The following CCDC112 variants were observed in gnomAD, a reference collection of about 807,000 sequenced individuals.
The protein encoded by CCDC112 is coiled-coil domain-containing protein 112.
In CCDC112, 40 loss-of-function variants were observed where a neutral mutation model predicts 66.3. That is an observed-to-expected ratio of 0.60 (90% confidence interval 0.47 to 0.79). CCDC112 has a LOEUF of 0.79. CCDC112 is among the 30% of genes least tolerant of loss of function. The pLI, the probability that CCDC112 is intolerant of heterozygous loss-of-function variation, is 0.00. For missense variants in CCDC112, 659 were observed against 603.8 expected, an observed-to-expected ratio of 1.09 and a Z score of -0.96; for synonymous variants, 214 against 197.2, an observed-to-expected ratio of 1.09 and a Z score of -0.71.
At position 115,267,652 on chromosome 5, in the gene CCDC112, T is replaced by C. The variant is rs1027676675; in HGVS notation, c.*224A>G. ...TCTAACATTAACTTATTTAAATAAC[T>C]TTTACATCAATAATAGGCCAACACA... On this transcript the variant is annotated 3_prime_UTR_variant, in exon 10 of 10. Coordinates refer to ENST00000379611, the MANE Select transcript of CCDC112 (RefSeq NM_001040440.3). The C allele has an allele frequency of 1.3e-5, 6 of 466,438 alleles. No homozygotes were observed. Among genetic ancestry groups the C allele is most frequent in the Non-Finnish European group, 2.3e-5 (6 of 263,740 alleles). 28.9% of individuals were successfully genotyped at this position (466,438 alleles called of 1,614,324 possible).
Position 115,269,728 on chromosome 5 carries a change from C to T in CCDC112, c.1403G>A (p.Arg468Lys). 1 of 1,599,548 alleles carries T rather than the reference C, an allele frequency of 6.3e-7. No homozygotes were observed. Among genetic ancestry groups the T allele is most frequent in the Middle Eastern group, 1.7e-4 (1 of 6,000 alleles). The change falls in exon 8 of 10, where the codon AGA becomes AAA. Residue 468 changes from arginine (R) to lysine (K), a missense_variant. Coordinates refer to ENST00000379611, the MANE Select transcript of CCDC112 (RefSeq NM_001040440.3). ...AKEDEKSQKQ[R>K]RLAKLKEKVE... The stretch of plus-strand genomic sequence containing the variant: ...CTTTTCTTTTAATTTTGCCAGTCTT[C>T]TTTGTTTTTGTGACTTTTCATCTTC...
In CCDC112 at chr5:115,274,732, TACTTA is replaced by T. The variant is rs796858578; in HGVS notation, c.918+479_918+483del. On this transcript the variant is annotated intron_variant, in intron 6 of 9. Transcript: ENST00000379611. ...TGTTGTTCTATTAATTGGGTAAAAT[TACTTA>T]ACTTCCTTTTTTTATTTTTATTTTT... is the stretch of plus-strand genomic sequence containing the variant. 5.1e-3 allele frequency among the ~76,000 whole-genome samples: 776 copies of T among 152,260 alleles called. 5 individuals are homozygous for T. Among genetic ancestry groups the T allele is most frequent in the African/African-American group, 0.018 (737 of 41,544 alleles).
At chr5:115,275,064 C>A (rs1749145977) in intron 6 of CCDC112, 152 bp downstream of exon 6, 3 of 639,342 alleles carry the variant, frequency 4.7e-6, no homozygotes, top group Non-Finnish European at 5.2e-6. Context: ...ACTTTCAATG[C>A]CTCAGTTTCA....
At chr5:115,280,779 C>G (rs556831621) in intron 2 of CCDC112, among the ~76,000 whole-genome samples, 2 of 152,008 alleles carry the variant, frequency 1.3e-5, no homozygotes, top group Admixed American at 1.3e-4. Context: ...GTCTTGAACT[C>G]CTGAGCTCAA....
rs547297925 is a variant in CCDC112 at position 115,281,743 on chromosome 5, G to A, written c.240-1975C>T. On this transcript the variant is annotated intron_variant, in intron 2 of 9. Coordinates refer to ENST00000379611, the MANE Select transcript of CCDC112 (RefSeq NM_001040440.3). ...GGATATTCAAAATATGCTAATTAAT[G>A]GAGACAAGTCGACAAAAATGAAAAC... is the stretch of plus-strand genomic sequence containing the variant. Among the ~76,000 whole-genome samples the A allele has an allele frequency of 3.5e-4, 54 of 152,238 alleles. No homozygotes were observed. The South Asian group carries it at 0.011, about 31-fold the overall frequency.
Position 115,277,067 on chromosome 5 carries a change from A to G in CCDC112, c.362-13T>C. The G allele has an allele frequency of 1.4e-6, 2 of 1,450,362 alleles. No individual in the cohort carries two copies. Among genetic ancestry groups the G allele is most frequent in the Non-Finnish European group, 1.9e-6 (2 of 1,033,504 alleles). The allele number at this position is 1,450,362 out of a possible 1,614,324, so 89.8% of individuals were successfully genotyped here. On this transcript the variant is annotated splice_polypyrimidine_tract_variant and intron_variant, in intron 3 of 9. Coordinates refer to ENST00000379611, the MANE Select transcript of CCDC112 (RefSeq NM_001040440.3). ...TGGATTTTTGCTCCTATAAGAAAGA[A>G]GTATGCACTTTAAAATAATTCTGTG...
At chr5:115,290,741 T>G (rs936294778) in intron 1 of CCDC112, among the ~76,000 whole-genome samples, 6 of 152,182 alleles carry the variant, frequency 3.9e-5, no homozygotes, top group African/African-American at 1.4e-4. Context: ...TTTGTGATAC[T>G]ATTATCAATG....
At chr5:115,279,563 G>C (rs1749357949) in intron 3 of CCDC112, 84 bp downstream of exon 3, 3 of 1,320,846 alleles carry the variant, frequency 2.3e-6, no homozygotes, top group Non-Finnish European at 3.2e-6. Context: ...ACACAATACA[G>C]TCAATGCACA....
intron 2 of CCDC112, among the ~76,000 whole-genome samples, chr5:115,280,985 TAG>T (rs1276695005): frequency 1.3e-5 from 2 of 151,876 alleles, no homozygotes; most frequent in Non-Finnish European, 2.9e-5. Flanking sequence ...ATCTATACCG[TAG>T]AGTTTCCCAA....
rs17137603 is a variant in CCDC112 at position 115,285,393 on chromosome 5, A to C, written c.118-485T>G. Reference sequence around the variant, plus strand: ...TAGGGCTCAGATGGAGAAAGCGGAGAAAGGGTTTCAGTTACAGTGGTCACA... The same window carrying C: ...TAGGGCTCAGATGGAGAAAGCGGAGCAAGGGTTTCAGTTACAGTGGTCACA... On this transcript the variant is annotated intron_variant, in intron 1 of 9. Transcript: ENST00000379611. Among the ~76,000 whole-genome samples, 958 of 152,294 alleles carry C rather than the reference A, an allele frequency of 6.3e-3. 10 individuals carry two copies. The highest frequency in any genetic ancestry group is 0.021 in the African/African-American group (893 of 41,550).
chr5:115,272,568 T>TATAA (rs1749051564), intron 6 of CCDC112, among the ~76,000 whole-genome samples: 1 of 152,212 alleles, frequency 6.6e-6, no homozygotes, highest in South Asian at 2.1e-4. Flanking sequence ...CCGAAGTATG[T>TATAA]ATAAATAAAT....
rs750787166 is a variant in CCDC112, at chr5:115,279,704, C to G, written c.304G>C (p.Glu102Gln). 6.2e-7 allele frequency: 1 copy of G among 1,605,058 alleles called. No individual in the cohort carries two copies. Among genetic ancestry groups the G allele is most frequent in the Non-Finnish European group, 8.5e-7 (1 of 1,172,640 alleles). Residue 102 changes from glutamate to glutamine, a missense_variant, in exon 3 of 10, where the codon GAG (glutamate) becomes CAG (glutamine). Physicochemically the swap from Glu to Gln is conservative, Grantham distance 29. Coordinates refer to ENST00000379611, the MANE Select transcript of CCDC112 (RefSeq NM_001040440.3). Reference protein sequence around the residue: ...FYNQKSDFRIEHSMLEELENK... With the variant: ...FYNQKSDFRIQHSMLEELENK... Reference sequence around the variant, plus strand: ...TCCAATTCTTCTAGCATACTATGCTCAATTCTGAAGTCACTTTTTTGGTTG... The same window carrying G: ...TCCAATTCTTCTAGCATACTATGCTGAATTCTGAAGTCACTTTTTTGGTTG...
chr5:115,287,452 T>C (rs1340363452), intron 1 of CCDC112, among the ~76,000 whole-genome samples: 1 of 152,174 alleles, frequency 6.6e-6, no homozygotes, highest in Non-Finnish European at 1.5e-5. Context: ...GCTCCTGCAG[T>C]AGGCCCCAAA....
At chr5:115,295,010 C>T (rs1192236887) in intron 1 of CCDC112, among the ~76,000 whole-genome samples, 2 of 152,136 alleles carry the variant, frequency 1.3e-5, no homozygotes, top group Admixed American at 1.3e-4. Flanking sequence ...CTCAGCACTA[C>T]TAACTTTTGG....
chr5:115,271,291 T>G lies in CCDC112; in HGVS notation c.1254A>C (p.Glu418Asp). The change falls in exon 7 of 10, where the codon GAA becomes GAC. Residue 418 changes from glutamate to aspartate, a missense_variant. Transcript: ENST00000379611. ...TTTCTGCCTTTTCCCTTATCTCCTT[T>G]TCAAGCCTCAAAAATTCTTCCTGTT... Reference protein sequence around the residue: ...KKEQEEFLRLEKEIREKAEKA... With the variant: ...KKEQEEFLRLDKEIREKAEKA... 1 of 1,610,278 alleles carries G rather than the reference T, an allele frequency of 6.2e-7. No homozygotes were observed. Among genetic ancestry groups the G allele is most frequent in the Non-Finnish European group, 8.5e-7 (1 of 1,179,252 alleles).
At chr5:115,277,823 C>A (rs941156742) in intron 3 of CCDC112, among the ~76,000 whole-genome samples, 3 of 152,058 alleles carry the variant, frequency 2.0e-5, no homozygotes, top group African/African-American at 7.2e-5. Flanking sequence ...TCAAAATATT[C>A]GCATTCTTAT....
chr5:115,273,445 C>T (rs1749084474), intron 6 of CCDC112, among the ~76,000 whole-genome samples: 1 of 152,160 alleles, frequency 6.6e-6, no homozygotes, highest in African/African-American at 2.4e-5. Context: ...TATTTTCCTC[C>T]AAACTTCCCT....
At chr5:115,274,011 T>C (rs1410570639) in intron 6 of CCDC112, among the ~76,000 whole-genome samples, 2 of 152,186 alleles carry the variant, frequency 1.3e-5, no homozygotes, top group Non-Finnish European at 2.9e-5. Context: ...AAACATGGAC[T>C]CAATTATTTC....
chr5:115,276,111 A>G, intron 4 of CCDC112, 42 bp from the exon 5 acceptor site: 2 of 1,395,858 alleles, frequency 1.4e-6, no homozygotes, highest in Non-Finnish European at 1.0e-6. Flanking sequence ...CCATTTTCCC[A>G]TATGGCTAAA....
Sources: gnomAD v4.1 joint callset for allele counts (sites outside exome capture counted in the v4.1 genomes callset) on GRCh38, gnomAD v4.1.1 for gene constraint, MANE v1.5 for transcripts, NCBI Gene and HGNC (gene_info 2026-07-23, HGNC 2026-07-21) for gene names.